The following PDE4D variants were observed in gnomAD, a reference collection of about 807,000 sequenced individuals.
PDE4D encodes the protein 3',5'-cyclic-AMP phosphodiesterase 4D.
A neutral mutation model predicts 87.4 loss-of-function variants in PDE4D; 24 were observed. The ratio of observed to expected loss-of-function variants is 0.27; its 90% CI spans 0.20 to 0.39. PDE4D has a LOEUF of 0.39. Ranked by LOEUF, PDE4D falls within the 10% of genes least tolerant of loss-of-function variation. The pLI is 1.00. For missense variants in PDE4D, 714 were observed against 1,041.0 expected, an observed-to-expected ratio of 0.69 and a Z score of 4.32; for synonymous variants, 384 against 383.2, an observed-to-expected ratio of 1.00 and a Z score of -0.02.
intron 2 of PDE4D, among the ~76,000 whole-genome samples, chr5:60,049,754 C>G (rs1769851145): frequency 6.6e-6 from 1 of 152,294 alleles, no homozygotes; most frequent in Non-Finnish European, 1.5e-5. Context: ...CTGGGAGAAC[C>G]ACTGCTCTCT....
chr5:60,278,584 T>C (rs1751590960), intron 1 of PDE4D, among the ~76,000 whole-genome samples: 1 of 152,152 alleles, frequency 6.6e-6, no homozygotes, highest in Non-Finnish European at 1.5e-5. Context: ...TTGTTTTGTT[T>C]TGTTTTTCCC....
At chr5:60,400,378 C>A (rs1740953105) in intron 1 of PDE4D, among the ~76,000 whole-genome samples, 1 of 151,400 alleles carries the variant, frequency 6.6e-6, no homozygotes, top group Admixed American at 6.6e-5. Flanking sequence ...AAAAATTAGC[C>A]AGGCGTGGTG....
intron 1 of PDE4D, among the ~76,000 whole-genome samples, chr5:59,872,300 C>CACACACACAGA (rs10693446): frequency 2.0e-4 from 29 of 146,974 alleles, no homozygotes; most frequent in African/African-American, 6.8e-4. Context: ...CACACACACA[C>CACACACACAGA]AAGAGCACAC....
chr5:59,632,453 T>A (rs1831696245), intron 1 of PDE4D, among the ~76,000 whole-genome samples: 1 of 152,196 alleles, frequency 6.6e-6, no homozygotes, highest in Non-Finnish European at 1.5e-5. Flanking sequence ...GATAGGGAGA[T>A]ACTCCCAGCA....
intron 1 of PDE4D, among the ~76,000 whole-genome samples, chr5:59,493,768 C>T (rs900978669): frequency 2.0e-5 from 3 of 152,058 alleles, no homozygotes; most frequent in African/African-American, 7.2e-5. Flanking sequence ...TTTTAAGATC[C>T]ATCATAATAG....
intron 3 of PDE4D, among the ~76,000 whole-genome samples, chr5:59,925,262 CTGTT>C (rs142840438): frequency 0.077 from 11,669 of 151,550 alleles, 846 homozygotes; most frequent in African/African-American, 0.18. Flanking sequence ...CTTTCCTTGT[CTGTT>C]TGTTTATGCA....
At chr5:59,698,759 A>G (rs1432948806) in intron 1 of PDE4D, among the ~76,000 whole-genome samples, 1 of 152,196 alleles carries the variant, frequency 6.6e-6, no homozygotes, top group East Asian at 1.9e-4. Flanking sequence ...GTGAATCAAC[A>G]TTCTGCGCTG....
chr5:59,271,711 C>T (rs1763872797), intron 1 of PDE4D, among the ~76,000 whole-genome samples: 1 of 151,972 alleles, frequency 6.6e-6, no homozygotes, highest in Non-Finnish European at 1.5e-5. Flanking sequence ...TACTCATTTG[C>T]ATATTATATA....
At chr5:59,298,326 G>C (rs544822279) in intron 1 of PDE4D, among the ~76,000 whole-genome samples, 1 of 152,090 alleles carries the variant, frequency 6.6e-6, no homozygotes, top group East Asian at 1.9e-4. Context: ...ATGTTGACCA[G>C]GCTGGTCCTG....
At chr5:58,997,537 C>T (rs1021025682) in intron 6 of PDE4D, among the ~76,000 whole-genome samples, 8 of 152,014 alleles carry the variant, frequency 5.3e-5, no homozygotes, top group African/African-American at 1.7e-4. Flanking sequence ...TGAAACGAAC[C>T]GATTGTAAAA....
intron 2 of PDE4D, among the ~76,000 whole-genome samples, chr5:60,091,150 T>C (rs1393308992): frequency 6.6e-6 from 1 of 152,056 alleles, no homozygotes; most frequent in African/African-American, 2.4e-5. Context: ...AACTAGACAA[T>C]GGAATTACAT....
intron 3 of PDE4D, among the ~76,000 whole-genome samples, chr5:59,944,632 AAGTGCTGGGATTACAGGCGTG>A (rs1757548600): frequency 6.6e-6 from 1 of 152,106 alleles, no homozygotes; most frequent in South Asian, 2.1e-4. Context: ...TGGCCTCCCA[AAGTGCTGGGATTACAGGCGTG>A]AGCCACCGCA....
rs184301150 is a variant in PDE4D, at chr5:59,571,003, T to C, written c.455+322165A>G. 2.7e-4 allele frequency among the ~76,000 whole-genome samples: 41 copies of C among 152,320 alleles called. No individual in the cohort carries two copies. The East Asian group carries it at 3.1e-3, about 11-fold the overall frequency. On this transcript the variant is annotated intron_variant, in intron 1 of 14. Transcript: ENST00000340635. ...TATTTTACATACTAATTCATACACA[T>C]GCCCAACAAATAACTACCGTTTCCA... is the stretch of plus-strand genomic sequence containing the variant.
intron 3 of PDE4D, among the ~76,000 whole-genome samples, chr5:59,949,434 CAAAAAAAAAAAAAAAA>C (rs59654913): frequency 3.5e-5 from 2 of 57,598 alleles, no homozygotes; most frequent in Non-Finnish European, 7.3e-5. Context: ...CTCCGTCTCA[CAAAAAAAAAAAAAAAA>C]AAAAAGAATA....
intron 2 of PDE4D, among the ~76,000 whole-genome samples, chr5:59,201,468 A>C (rs953746278): frequency 6.6e-6 from 1 of 152,144 alleles, no homozygotes; most frequent in Admixed American, 6.5e-5. Context: ...ACAAATTATA[A>C]ATTTAAGAAT....
chr5:59,481,603 TAG>T (rs1303091350), intron 1 of PDE4D, among the ~76,000 whole-genome samples: 1 of 152,052 alleles, frequency 6.6e-6, no homozygotes, highest in Non-Finnish European at 1.5e-5. Flanking sequence ...GCTCCAGCGG[TAG>T]AGTTTTAAAA....
intron 1 of PDE4D, among the ~76,000 whole-genome samples, chr5:59,864,446 C>G (rs984753417): frequency 2.0e-5 from 3 of 152,206 alleles, no homozygotes; most frequent in African/African-American, 7.2e-5. Context: ...TTAATCAACA[C>G]ATTAAAATAG....
chr5:59,104,245 A>G (rs1771213577), intron 5 of PDE4D, among the ~76,000 whole-genome samples: 1 of 152,222 alleles, frequency 6.6e-6, no homozygotes, highest in South Asian at 2.1e-4. Context: ...TGGGTGCTTT[A>G]AATACATTGT....
At chr5:59,793,443 G>T (rs1323132835) in intron 1 of PDE4D, among the ~76,000 whole-genome samples, 2 of 152,136 alleles carry the variant, frequency 1.3e-5, no homozygotes, top group African/African-American at 4.8e-5. Context: ...ATTCTAATTA[G>T]GTGGTGACAT....
Sources: gnomAD v4.1 joint callset for allele counts (sites outside exome capture counted in the v4.1 genomes callset) on GRCh38, gnomAD v4.1.1 for gene constraint, MANE v1.5 for transcripts, NCBI Gene and HGNC (gene_info 2026-07-23, HGNC 2026-07-21) for gene names.